The following ARHGAP28 variants were observed in gnomAD, a reference collection of about 807,000 sequenced individuals.
ARHGAP28 encodes the protein Rho GTPase activating protein 28.
ARHGAP28 carries 56 observed loss-of-function variants against 90.7 expected under a neutral mutation model. The ratio of observed to expected loss-of-function variants is 0.62; its 90% CI spans 0.50 to 0.77. The LOEUF is 0.77. Among genes scored for constraint, ARHGAP28 ranks in the 30% least tolerant of loss-of-function variants. The pLI is 0.00. For missense variants in ARHGAP28, 869 were observed against 900.9 expected (o/e 0.96, Z 0.45); for synonymous variants, 308 against 323.3 (o/e 0.95, Z 0.51).
intron 1 of ARHGAP28, among the ~76,000 whole-genome samples, chr18:6,813,753 G>A (rs1420106424): frequency 6.6e-6 from 1 of 151,980 alleles, no homozygotes; most frequent in Non-Finnish European, 1.5e-5. Context: ...GACCAAATTT[G>A]TAGTTCCATT....
chr18:6,747,554 A>G (rs6506438), intron 1 of ARHGAP28, among the ~76,000 whole-genome samples: 73,610 of 151,968 alleles, frequency 0.48, 18,389 homozygotes, highest in South Asian at 0.7. Flanking sequence ...CTTCAACTCT[A>G]TAGATGCCAT....
At position 6,834,842 on chromosome 18, in the gene ARHGAP28, CT is replaced by C. The variant is rs146338208; in HGVS notation, c.326-2354del. ...GAATGCCTCCTGGTTATTCTCTTGC[CT>C]AATTACATTGGATGGTGGGTTTCGT... On this transcript the variant is annotated intron_variant, in intron 2 of 17. Coordinates refer to ENST00000383472, the MANE Select transcript of ARHGAP28 (RefSeq NM_001366230.1). 8.2e-3 allele frequency among the ~76,000 whole-genome samples: 1,245 copies of C among 152,220 alleles called. 22 individuals are homozygous for C. Among genetic ancestry groups the C allele is most frequent in the African/African-American group, 0.028 (1,177 of 41,520 alleles).
chr18:6,797,365 G>A (rs764911313), intron 1 of ARHGAP28, among the ~76,000 whole-genome samples: 27 of 152,264 alleles, frequency 1.8e-4, no homozygotes, highest in Non-Finnish European at 3.1e-4. Flanking sequence ...TCTGGAGGCC[G>A]CGTAGTCTGA....
intron 5 of ARHGAP28, among the ~76,000 whole-genome samples, chr18:6,863,240 G>C (rs894538624): frequency 6.6e-6 from 1 of 151,918 alleles, no homozygotes; most frequent in African/African-American, 2.4e-5. Context: ...ATTAAGGAGA[G>C]TATTTATTCT....
chr18:6,784,007 C>T (rs1006315722), intron 1 of ARHGAP28, among the ~76,000 whole-genome samples: 2 of 152,118 alleles, frequency 1.3e-5, no homozygotes, highest in African/African-American at 4.8e-5. Context: ...TTTTCTTCCC[C>T]TCATGCTGCT....
intron 2 of ARHGAP28, among the ~76,000 whole-genome samples, chr18:6,826,290 T>A (rs2056662551): frequency 6.6e-6 from 1 of 152,136 alleles, no homozygotes; most frequent in Non-Finnish European, 1.5e-5. Flanking sequence ...GAAAAGCATA[T>A]GTTCATATCC....
Position 6,781,630 on chromosome 18 carries a change from T to G in ARHGAP28, c.123-43132T>G, listed in dbSNP as rs560533836. 5.7e-4 allele frequency among the ~76,000 whole-genome samples: 86 copies of G among 152,210 alleles called. 3 individuals carry two copies. In the South Asian group the frequency reaches 0.018, roughly 31 times the overall value. ...CAAAAGAAGGGAAGCAGGAAGCAAG[T>G]GTCTTCCTAGATCCTCCCAAACTTC... On this transcript the variant is annotated intron_variant, in intron 1 of 17. Coordinates refer to ENST00000383472, the MANE Select transcript of ARHGAP28 (RefSeq NM_001366230.1).
At chr18:6,846,254 A>G (rs1185864579) in intron 3 of ARHGAP28, among the ~76,000 whole-genome samples, 1 of 152,186 alleles carries the variant, frequency 6.6e-6, no homozygotes, top group Non-Finnish European at 1.5e-5. Flanking sequence ...TGTTCCAAGA[A>G]TAATTCCTTT....
chr18:6,889,361 A>G (rs1443785378), intron 12 of ARHGAP28, among the ~76,000 whole-genome samples: 1 of 152,202 alleles, frequency 6.6e-6, no homozygotes, highest in African/African-American at 2.4e-5. Context: ...AATAGCACCC[A>G]AAAATTCAAT....
intron 4 of ARHGAP28, among the ~76,000 whole-genome samples, chr18:6,859,077 A>AAACAAC (rs146188171): frequency 1.6e-5 from 2 of 128,102 alleles, no homozygotes; most frequent in Non-Finnish European, 3.5e-5. Flanking sequence ...AGCTTTATTA[A>AAACAAC]AACAACAACA....
intron 2 of ARHGAP28, among the ~76,000 whole-genome samples, chr18:6,827,978 A>T (rs1367841135): frequency 1.3e-5 from 2 of 151,972 alleles, no homozygotes; most frequent in Non-Finnish European, 2.9e-5. Flanking sequence ...CAATCTCGGC[A>T]CTTTGGGAGG....
At chr18:6,876,074 C>T (rs2057128757) in intron 9 of ARHGAP28, 57 bp from the exon 10 acceptor site, 2 of 1,313,902 alleles carry the variant, frequency 1.5e-6, no homozygotes, top group African/African-American at 2.9e-5. Context: ...GTTACTGTTT[C>T]ATATGTTTAT....
In ARHGAP28 at chr18:6,913,365, A is replaced by G. The variant is rs2057408865; in HGVS notation, c.*1211A>G. ...GCTCTGACTTTCCTCGAGACTATGGATATAGTCCTTCTCAGATTAGCTGGA... is the reference window on the plus strand; with the variant it reads ...GCTCTGACTTTCCTCGAGACTATGGGTATAGTCCTTCTCAGATTAGCTGGA... On this transcript the variant is annotated 3_prime_UTR_variant, in exon 18 of 18. Transcript: ENST00000383472. 6.6e-6 allele frequency: 1 copy of G among 152,200 alleles called. No individual in the cohort carries two copies. The highest frequency in any genetic ancestry group is 1.5e-5 in the Non-Finnish European group (1 of 68,036). 9.4% of individuals were successfully genotyped at this position (152,200 alleles called of 1,614,324 possible). A position where few individuals can be genotyped will look rare whatever the true frequency, so the allele number is the denominator to read the frequency against.
rs377109412 is a variant in ARHGAP28 at position 6,896,507 on chromosome 18, C to T, written c.1911C>T (p.Asp637=). 2.7e-5 allele frequency: 43 copies of T among 1,613,892 alleles called. No individual in the cohort carries two copies. The highest frequency in any genetic ancestry group is 4.4e-5 in the South Asian group (4 of 91,062). ...GAATTTCTCCTCCTTGGCAGTCTGA[C>T]GTGCCGGAAGGAGTCATACGGGTCC... ...QKSPSARRMS[D]VPEGVIRVHA... is the part of the protein sequence containing the mutation. Residue 637 remains aspartate (D), a synonymous_variant, in exon 16 of 18, where the codon GAC becomes GAT. Transcript: ENST00000383472.
intron 2 of ARHGAP28, among the ~76,000 whole-genome samples, chr18:6,826,517 C>G (rs2056664481): frequency 6.6e-6 from 1 of 150,532 alleles, no homozygotes; most frequent in Non-Finnish European, 1.5e-5. Flanking sequence ...ATCATTGAAG[C>G]TTATATAATT....
At chr18:6,771,591 A>G (rs2143410112) in intron 1 of ARHGAP28, among the ~76,000 whole-genome samples, 1 of 152,316 alleles carries the variant, frequency 6.6e-6, no homozygotes, top group South Asian at 2.1e-4. Flanking sequence ...AATAACCACT[A>G]AAGTCACTTC....
intron 1 of ARHGAP28, among the ~76,000 whole-genome samples, chr18:6,739,451 A>G (rs947794974): frequency 1.3e-4 from 19 of 151,688 alleles, no homozygotes; most frequent in African/African-American, 4.1e-4. Context: ...AGGAAGTTCA[A>G]TAATAGGATT....
chr18:6,908,976 T>C lies in ARHGAP28; in HGVS notation c.2047T>C (p.Cys683Arg), dbSNP rs763916209. The C allele has an allele frequency of 8.4e-6, 13 of 1,544,276 alleles. No individual in the cohort carries two copies. The East Asian group carries it at 2.9e-4, about 35-fold the overall frequency. ...TTTTTTCAGTCATGGTTCATCAGAA[T>C]GTATTAAGATTCAGAACCAAAGGTT... ...QYENSHGSSE[C>R]IKIQNQRLYE... The change falls in exon 17 of 18, where the codon TGT (cysteine) becomes CGT (arginine). Residue 683 changes from cysteine (C) to arginine (R), a missense_variant. By Grantham distance (180) the Cys-to-Arg change is radical. Coordinates refer to ENST00000383472, the MANE Select transcript of ARHGAP28 (RefSeq NM_001366230.1).
intron 9 of ARHGAP28, 123 bp downstream of exon 9, chr18:6,873,898 G>T (rs2143557395): frequency 1.2e-6 from 1 of 835,316 alleles, no homozygotes; most frequent in Non-Finnish European, 1.9e-6. Context: ...TAGGACTCAG[G>T]CCCCTGGTGA....
Sources: allele counts gnomAD v4.1 joint callset (sites outside exome capture counted in the v4.1 genomes callset), GRCh38; gene constraint gnomAD v4.1.1; transcripts MANE v1.5; gene names NCBI Gene and HGNC (gene_info 2026-07-23, HGNC 2026-07-21).